IFTAP: variants seen among roughly 807,000 people sequenced by gnomAD.
IFTAP encodes the protein intraflagellar transport associated protein.
In IFTAP, 19 loss-of-function variants were observed where a neutral mutation model predicts 19.4. That is an observed-to-expected ratio of 0.98 (90% CI 0.68 to 1.44). IFTAP has a LOEUF of 1.44. Among genes scored for constraint, IFTAP ranks in the 40% most tolerant of loss-of-function variants. The pLI is 0.00. For synonymous variants in IFTAP, 85 were observed against 83.5 expected, an observed-to-expected ratio of 1.02 and a Z score of -0.10; for missense variants, 240 against 253.6, an observed-to-expected ratio of 0.95 and a Z score of 0.36.
chr11:36,636,165 C>A, intron 4 of IFTAP, 48 bp downstream of exon 4: 1 of 1,414,388 alleles, frequency 7.1e-7, no homozygotes, highest in Non-Finnish European at 1.0e-6. Flanking sequence ...TTTCTAGAAA[C>A]TACAAATAAG....
At chr11:36,632,701 G>A (rs1852773093) in intron 2 of IFTAP, among the ~76,000 whole-genome samples, 1 of 151,132 alleles carries the variant, frequency 6.6e-6, no homozygotes. Context: ...AGGAGTTCTT[G>A]ATAACTATTA....
chr11:36,608,137 A>C (rs1360052047), intron 1 of IFTAP, among the ~76,000 whole-genome samples: 3 of 152,238 alleles, frequency 2.0e-5, no homozygotes, highest in Non-Finnish European at 4.4e-5. Flanking sequence ...AGAATAACAT[A>C]TAATATGGTT....
intron 4 of IFTAP, among the ~76,000 whole-genome samples, chr11:36,644,542 A>G (rs1329072755): frequency 6.6e-6 from 1 of 152,200 alleles, no homozygotes; most frequent in East Asian, 1.9e-4. Context: ...ATAAAGACAC[A>G]TGCACACGTA....
chr11:36,620,640 A>T (rs1257696814), intron 2 of IFTAP, among the ~76,000 whole-genome samples: 4 of 151,916 alleles, frequency 2.6e-5, no homozygotes, highest in Non-Finnish European at 2.9e-5. Context: ...TGACTGCTGG[A>T]GTTTACATGT....
rs537479992 is a variant in IFTAP, at chr11:36,648,742, G to A, written c.498+587G>A. On this transcript the variant is annotated intron_variant, in intron 5 of 5. Transcript: ENST00000334307. The stretch of plus-strand genomic sequence containing the variant: ...TCCAGGTCAGGTCATCATCGTACCT[G>A]GAGGGGAGGAGAGAAGAACATGGGG... Among the ~76,000 whole-genome samples the A allele has an allele frequency of 2.0e-5, 3 of 152,208 alleles. No homozygotes were observed. In the South Asian group the frequency reaches 6.2e-4, roughly 32 times the overall value.
intron 2 of IFTAP, among the ~76,000 whole-genome samples, chr11:36,616,881 G>T (rs1457758548): frequency 6.6e-6 from 1 of 151,796 alleles, no homozygotes; most frequent in Non-Finnish European, 1.5e-5. Flanking sequence ...TAAAAAAACT[G>T]ATATTCAATT....
chr11:36,656,108 G>GTAGT (rs1853972659), intron 5 of IFTAP, among the ~76,000 whole-genome samples: 1 of 152,158 alleles, frequency 6.6e-6, no homozygotes, highest in African/African-American at 2.4e-5. Flanking sequence ...AAGGCAATGG[G>GTAGT]TTGGGCCGTA....
rs3740957 is a variant in IFTAP at position 36,594,562 on chromosome 11, G to C, written c.-54G>C. 32,157 of 237,472 alleles carry C rather than the reference G, an allele frequency of 0.14. 2,941 individuals are homozygous for C. Among genetic ancestry groups the C allele is most frequent in the African/African-American group, 0.3 (13,041 of 44,196 alleles). The allele number at this position is 237,472 out of a possible 1,614,324, so 14.7% of individuals were successfully genotyped here. A position where few individuals can be genotyped will look rare whatever the true frequency, so the allele number is the denominator to read the frequency against. On this transcript the variant is annotated 5_prime_UTR_variant, in exon 1 of 6. Transcript: ENST00000334307. ...GTTGCTCTGGGAGAGGGGACTCCTG[G>C]AATGTGTCTGTGAATAAAGACTAGC...
intron 3 of IFTAP, 59 bp from the exon 4 acceptor site, chr11:36,635,992 C>T: frequency 1.7e-6 from 2 of 1,151,324 alleles, no homozygotes; most frequent in South Asian, 1.3e-5. Context: ...GTTGACTTTT[C>T]ACTGCAGTTT....
chr11:36,644,855 T>TGGGGG (rs1565028603), intron 4 of IFTAP, among the ~76,000 whole-genome samples: 1 of 58,768 alleles, frequency 1.7e-5, no homozygotes, highest in African/African-American at 7.0e-5. Flanking sequence ...TGTCGTGGGG[T>TGGGGG]GGGGGGAGGG....
chr11:36,605,487 C>T (rs1851662275), intron 1 of IFTAP, among the ~76,000 whole-genome samples: 1 of 152,134 alleles, frequency 6.6e-6, no homozygotes, highest in Non-Finnish European at 1.5e-5. Context: ...GTGACAATTT[C>T]ATGTATCATA....
Position 36,630,162 on chromosome 11 carries a change from T to C in IFTAP, c.137-3122T>C, listed in dbSNP as rs970950233. 3.3e-5 allele frequency among the ~76,000 whole-genome samples: 5 copies of C among 151,392 alleles called. 1 individual carries two copies. The highest frequency in any genetic ancestry group is 1.2e-4 in the African/African-American group (5 of 40,692). ...AATCAGACTTTCATCCACTTCAGAT[T>C]CTGGGCTGTGCCAGCATCTGCCATT... On this transcript the variant is annotated intron_variant, in intron 2 of 5. Coordinates refer to ENST00000334307, the MANE Select transcript of IFTAP (RefSeq NM_138787.4).
In IFTAP at chr11:36,659,243, A is replaced by G. The variant is rs760750523; in HGVS notation, c.*57A>G. ...TTTTAATTTTGTTCTTATTCTAGCA[A>G]CATTAGAATAAAAGATAAACCTACT... is the stretch of plus-strand genomic sequence containing the variant. On this transcript the variant is annotated 3_prime_UTR_variant, in exon 6 of 6. Coordinates refer to ENST00000334307, the MANE Select transcript of IFTAP (RefSeq NM_138787.4). The G allele has an allele frequency of 6.7e-5, 92 of 1,383,084 alleles. No individual in the cohort carries two copies. The highest frequency in any genetic ancestry group is 8.7e-5 in the Non-Finnish European group (91 of 1,044,322). 85.7% of individuals were successfully genotyped at this position (1,383,084 alleles called of 1,614,324 possible). A position where few individuals can be genotyped will look rare whatever the true frequency, so the allele number is the denominator to read the frequency against.
chr11:36,596,214 TTTTTTTTG>T (rs955042399), intron 1 of IFTAP, among the ~76,000 whole-genome samples: 2 of 137,214 alleles, frequency 1.5e-5, no homozygotes, highest in South Asian at 2.5e-4. Context: ...TGGTAGTGTT[TTTTTTTTG>T]TTTTTTTTTT....
Position 36,631,267 on chromosome 11 carries a change from TGGTG to T in IFTAP, c.137-2016_137-2013del, listed in dbSNP as rs374706010. 7.7e-3 allele frequency among the ~76,000 whole-genome samples: 1,171 copies of T among 151,582 alleles called. 92 individuals carry two copies. The highest frequency in any genetic ancestry group is 0.027 in the African/African-American group (1,112 of 40,850). ...GTAGCTAGTTAGAAGTCACTGGTGC[TGGTG>T]CAGTAGGCAGTAGTAGAGAGCTGGC... is the stretch of plus-strand genomic sequence containing the variant. On this transcript the variant is annotated intron_variant, in intron 2 of 5. Transcript: ENST00000334307.
At chr11:36,620,223 A>G (rs1030617554) in intron 2 of IFTAP, among the ~76,000 whole-genome samples, 1 of 152,076 alleles carries the variant, frequency 6.6e-6, no homozygotes, top group Non-Finnish European at 1.5e-5. Context: ...CTTTATCACA[A>G]CATAACATCA....
chr11:36,653,126 A>G (rs1388978446), intron 5 of IFTAP, among the ~76,000 whole-genome samples: 2 of 152,124 alleles, frequency 1.3e-5, no homozygotes, highest in East Asian at 1.9e-4. Context: ...TTTATTTACC[A>G]TATTACTTTG....
intron 4 of IFTAP, among the ~76,000 whole-genome samples, chr11:36,644,768 A>C (rs142823766): frequency 0.14 from 20,277 of 148,914 alleles, 2,063 homozygotes; most frequent in African/African-American, 0.29. Flanking sequence ...CCAAACACTG[A>C]ATGTTCTCAC....
intron 4 of IFTAP, among the ~76,000 whole-genome samples, chr11:36,645,432 A>G (rs1449502266): frequency 6.6e-6 from 1 of 152,168 alleles, no homozygotes; most frequent in African/African-American, 2.4e-5. Flanking sequence ...GCATTTCATT[A>G]AGATGAAAAC....
Sources: gnomAD v4.1 joint callset for allele counts (sites outside exome capture counted in the v4.1 genomes callset) on GRCh38, gnomAD v4.1.1 for gene constraint, MANE v1.5 for transcripts, NCBI Gene and HGNC (gene_info 2026-07-23, HGNC 2026-07-21) for gene names.